The following GARNL3 variants were observed in gnomAD, a reference collection of about 807,000 sequenced individuals.
GARNL3 encodes GTPase-activating Rap/Ran-GAP domain-like protein 3.
A neutral mutation model predicts 125.0 loss-of-function variants in GARNL3; 63 were observed. The observed-to-expected ratio is 0.50, with a 90% CI of 0.41 to 0.62. GARNL3 has a LOEUF of 0.62. Among genes scored for constraint, GARNL3 ranks in the 20% least tolerant of loss-of-function variants. The pLI, the probability that GARNL3 is intolerant of heterozygous loss-of-function variation, is 0.00. For missense variants in GARNL3, 994 were observed against 1,244.0 expected (o/e 0.80, Z 3.02); for synonymous variants, 439 against 457.5 (o/e 0.96, Z 0.52).
At chr9:127,228,593 A>G (rs1473111646) in intron 1 of GARNL3, among the ~76,000 whole-genome samples, 1 of 152,206 alleles carries the variant, frequency 6.6e-6, no homozygotes, top group African/African-American at 2.4e-5. Flanking sequence ...ATATAGATGC[A>G]TACACTTTGT....
chr9:127,334,364 A>T (rs1424826999), intron 9 of GARNL3, among the ~76,000 whole-genome samples: 1 of 152,112 alleles, frequency 6.6e-6, no homozygotes, highest in Non-Finnish European at 1.5e-5. Flanking sequence ...CCTAATAGTG[A>T]TAGGCTTCGA....
chr9:127,303,964 A>G (rs1001789877), intron 2 of GARNL3, among the ~76,000 whole-genome samples: 3 of 152,196 alleles, frequency 2.0e-5, no homozygotes, highest in African/African-American at 7.2e-5. Flanking sequence ...CTCTGTGGGC[A>G]TGTACAGGCC....
chr9:127,348,167 G>A (rs900927981), intron 16 of GARNL3, among the ~76,000 whole-genome samples: 1 of 152,154 alleles, frequency 6.6e-6, no homozygotes, highest in Non-Finnish European at 1.5e-5. Context: ...ACAAACTGAG[G>A]CTTATCCAGT....
chr9:127,365,083 C>G, intron 21 of GARNL3: 1 of 487,118 alleles, frequency 2.1e-6, no homozygotes, highest in Admixed American at 3.8e-5. Flanking sequence ...AATGGAGAGA[C>G]TTTTCTTTCT....
chr9:127,344,410 G>A (rs1233489238), intron 15 of GARNL3, 71 bp downstream of exon 15: 2 of 1,006,820 alleles, frequency 2.0e-6, no homozygotes, highest in Non-Finnish European at 3.1e-6. Context: ...GATGGCCCAT[G>A]TGCAAAGACT....
At chr9:127,273,317 G>T (rs749442477) in intron 1 of GARNL3, among the ~76,000 whole-genome samples, 6 of 152,136 alleles carry the variant, frequency 3.9e-5, no homozygotes, top group Non-Finnish European at 5.9e-5. Context: ...GCTGTGTATA[G>T]AGTGTTTCCT....
At chr9:127,320,593 A>C (rs3739558) in intron 5 of GARNL3, 122 bp from the exon 6 acceptor site, 123,141 of 645,750 alleles carry the variant, frequency 0.19, 12,424 homozygotes, top group East Asian at 0.28. Flanking sequence ...GTTCATTGAT[A>C]ACTCATTTGT....
At chr9:127,271,644 ATTGT>A (rs1472478726) in intron 1 of GARNL3, among the ~76,000 whole-genome samples, 1 of 150,198 alleles carries the variant, frequency 6.7e-6, no homozygotes, top group Non-Finnish European at 1.5e-5. Flanking sequence ...AAAGCACAAG[ATTGT>A]TTGTAGCTTT....
chr9:127,267,378 T>A (rs1167053469), intron 1 of GARNL3, among the ~76,000 whole-genome samples: 1 of 152,194 alleles, frequency 6.6e-6, no homozygotes, highest in Non-Finnish European at 1.5e-5. Flanking sequence ...ATTTTTATAT[T>A]GTTATAATGA....
intron 1 of GARNL3, among the ~76,000 whole-genome samples, chr9:127,282,957 T>A (rs571853607): frequency 1.4e-4 from 22 of 152,336 alleles, no homozygotes; most frequent in Non-Finnish European, 2.2e-4. Flanking sequence ...GCTTTCTATT[T>A]AAAAAAATTA....
chr9:127,233,619 G>A (rs1434884213), intron 1 of GARNL3, among the ~76,000 whole-genome samples: 1 of 152,172 alleles, frequency 6.6e-6, no homozygotes, highest in African/African-American at 2.4e-5. Flanking sequence ...TAGCCATTGT[G>A]GGTGCAGAGC....
intron 1 of GARNL3, among the ~76,000 whole-genome samples, chr9:127,226,506 G>T (rs2062916352): frequency 6.6e-6 from 1 of 152,230 alleles, no homozygotes. Flanking sequence ...GACATCATCT[G>T]TGTGTTGTAT....
intron 1 of GARNL3, among the ~76,000 whole-genome samples, chr9:127,276,412 T>A (rs527318621): frequency 6.6e-6 from 1 of 152,078 alleles, no homozygotes; most frequent in African/African-American, 2.4e-5. Context: ...CTTGTCTGGC[T>A]GGCCCTTAAA....
intron 2 of GARNL3, chr9:127,245,385 G>A (rs2063283510): frequency 6.6e-6 from 1 of 152,622 alleles, no homozygotes; most frequent in Non-Finnish European, 1.5e-5. Context: ...CGGGGGTGCA[G>A]GCTGCGGGAC....
intron 4 of GARNL3, among the ~76,000 whole-genome samples, chr9:127,314,587 G>GA (rs2065186267): frequency 6.7e-6 from 1 of 148,810 alleles, no homozygotes; most frequent in Non-Finnish European, 1.5e-5. Context: ...CAAGGCAGGA[G>GA]AGGGTGGGTT....
Position 127,383,549 on chromosome 9 carries a change from A to G in GARNL3, c.2269+4A>G. On this transcript the variant is annotated splice_donor_region_variant and intron_variant, in intron 23 of 27. Transcript: ENST00000373387. ...AACCAGGCTCCCTATGCAATTGGTA[A>G]GAAAAGTCTTTATCATAATGCTTTT... 6.3e-7 allele frequency: 1 copy of G among 1,588,028 alleles called. No homozygotes were observed. The highest frequency in any genetic ancestry group is 1.1e-5 in the South Asian group (1 of 89,212).
chr9:127,359,320 T>A (rs1264449098), intron 21 of GARNL3, among the ~76,000 whole-genome samples: 1 of 152,148 alleles, frequency 6.6e-6, no homozygotes, highest in East Asian at 1.9e-4. Context: ...CGAAACCCCA[T>A]CTGTACTAAA....
intron 22 of GARNL3, chr9:127,366,926 G>C (rs1481437471): frequency 6.7e-6 from 1 of 149,616 alleles, no homozygotes; most frequent in African/African-American, 2.4e-5. Flanking sequence ...CTTCATCTCA[G>C]GATGGGATCG....
chr9:127,324,030 G>C (rs745583233), intron 6 of GARNL3, among the ~76,000 whole-genome samples: 2 of 152,114 alleles, frequency 1.3e-5, no homozygotes, highest in African/African-American at 4.8e-5. Context: ...CAGGAGGATT[G>C]CTTGAGCCCA....
Sources: allele counts gnomAD v4.1 joint callset (sites outside exome capture counted in the v4.1 genomes callset), GRCh38; gene constraint gnomAD v4.1.1; transcripts MANE v1.5; gene names NCBI Gene and HGNC (gene_info 2026-07-23, HGNC 2026-07-21).